Variants in TPTE2 observed in about 807,000 individuals in gnomAD.
TPTE2 encodes phosphatidylinositol 3,4,5-trisphosphate 3-phosphatase TPTE2.
Under a neutral mutation model 78.6 loss-of-function variants are expected in TPTE2, and 53 were observed. That is an observed-to-expected ratio of 0.67 (90% CI 0.54 to 0.85). The LOEUF (loss-of-function observed/expected upper bound fraction) is 0.85, where lower values mean the gene tolerates loss of function less well. TPTE2 is among the 40% of genes least tolerant of loss of function. The pLI is 0.00. For missense variants in TPTE2, 461 were observed against 623.0 expected, an observed-to-expected ratio of 0.74 and a Z score of 2.77; for synonymous variants, 175 against 206.2, an observed-to-expected ratio of 0.85 and a Z score of 1.30.
upstream of TPTE2, among the ~76,000 whole-genome samples, chr13:19,537,812 C>G (rs1871295850): frequency 6.6e-6 from 1 of 151,740 alleles, no homozygotes; most frequent in Admixed American, 6.6e-5. Flanking sequence ...ACCATGTTGG[C>G]CAGGCTGGTC....
At chr13:19,463,882 G>T (rs1404328714) in intron 10 of TPTE2, among the ~76,000 whole-genome samples, 1 of 152,216 alleles carries the variant, frequency 6.6e-6, no homozygotes, top group African/African-American at 2.4e-5. Context: ...ATGCATGCTA[G>T]CTGCAGTGGC....
chr13:19,552,472 G>A, the TPTE2 span: 1 of 489,890 alleles, frequency 2.0e-6, no homozygotes, highest in East Asian at 3.3e-5. Flanking sequence ...TCTACAAAGT[G>A]TTTTGAAATT....
chr13:19,487,196 G>C (rs1031991755), intron 3 of TPTE2, among the ~76,000 whole-genome samples: 1 of 152,110 alleles, frequency 6.6e-6, no homozygotes, highest in Non-Finnish European at 1.5e-5. Context: ...CTGACAGTCT[G>C]CTGGCCAGAG....
In TPTE2 at chr13:19,475,624, C is replaced by G; in HGVS notation, c.180-1G>C. On this transcript the variant is annotated splice_acceptor_variant, in intron 4 of 19. Coordinates refer to ENST00000400230, the Ensembl canonical transcript of TPTE2. LOFTEE classifies it high-confidence loss of function. Reference sequence around the variant, plus strand: ...ATGCACAATTTTCTTAATCTTGCTGCTGCAAAAAGAAGTAAAAATAAAATT... The same window carrying G: ...ATGCACAATTTTCTTAATCTTGCTGGTGCAAAAAGAAGTAAAAATAAAATT... 1 of 1,607,018 alleles carries G rather than the reference C, an allele frequency of 6.2e-7. No individual in the cohort carries two copies. Among genetic ancestry groups the G allele is most frequent in the Non-Finnish European group, 8.5e-7 (1 of 1,177,332 alleles).
the TPTE2 span, among the ~76,000 whole-genome samples, chr13:19,556,303 T>C: frequency 1.3e-5 from 2 of 152,210 alleles, no homozygotes; most frequent in African/African-American, 4.8e-5. Flanking sequence ...CTTTCCTCTA[T>C]AGGTGTATAT....
At chr13:19,478,378 G>A (rs1347703404) in intron 4 of TPTE2, among the ~76,000 whole-genome samples, 6 of 152,292 alleles carry the variant, frequency 3.9e-5, no homozygotes, top group East Asian at 3.9e-4. Flanking sequence ...CTCAAAAGAA[G>A]ACATTTATGC....
chr13:19,477,940 C>T (rs1249231043), intron 4 of TPTE2, among the ~76,000 whole-genome samples: 2 of 152,148 alleles, frequency 1.3e-5, no homozygotes, highest in Non-Finnish European at 2.9e-5. Flanking sequence ...GAAGCATAGC[C>T]TCCATGTACC....
At chr13:19,554,377 A>AAAATAAATAAAT in the TPTE2 span, among the ~76,000 whole-genome samples, 76,433 of 145,002 alleles carry the variant, frequency 0.53, 23,636 homozygotes, top group East Asian at 0.76. Flanking sequence ...TCTGTCTCAA[A>AAAATAAATAAAT]AAATAAATAA....
intron 13 of TPTE2, among the ~76,000 whole-genome samples, chr13:19,441,272 G>A (rs529540764): frequency 6.6e-6 from 1 of 151,840 alleles, no homozygotes; most frequent in South Asian, 2.1e-4. Flanking sequence ...TCTAGACGGG[G>A]CACAGCAGAA....
At chr13:19,560,584 C>T in the TPTE2 span, 2 of 1,600,572 alleles carry the variant, frequency 1.2e-6, no homozygotes, top group Non-Finnish European at 1.7e-6. Context: ...CACGATCTCT[C>T]GGTCAAAGAG....
chr13:19,514,592 A>AGTGTATGTGTGTGTGTGT (rs1869668417), intron 1 of TPTE2, among the ~76,000 whole-genome samples: 1 of 126,710 alleles, frequency 7.9e-6, no homozygotes, highest in Non-Finnish European at 1.7e-5. Context: ...TACTTCTGAG[A>AGTGTATGTGTGTGTGTGT]GTGTGTGTGT....
chr13:19,528,495 A>AT (rs1203237238), intron 1 of TPTE2, among the ~76,000 whole-genome samples: 4 of 152,142 alleles, frequency 2.6e-5, no homozygotes, highest in African/African-American at 9.7e-5. Flanking sequence ...AAATTTACTA[A>AT]TTTTTATTTT....
intron 17 of TPTE2, among the ~76,000 whole-genome samples, chr13:19,427,230 A>G (rs1222264085): frequency 2.6e-5 from 4 of 151,552 alleles, no homozygotes; most frequent in Admixed American, 2.0e-4. Context: ...GACTACAGGC[A>G]CGTGCCACCA....
At chr13:19,450,049 G>A (rs1303141602) in intron 13 of TPTE2, 27 bp downstream of exon 16, 4 of 1,608,442 alleles carry the variant, frequency 2.5e-6, no homozygotes, top group Non-Finnish European at 3.4e-6. Flanking sequence ...TTTAGAAAGG[G>A]AAAAATGAAA....
chr13:19,540,347 G>A (rs1871405854), upstream of TPTE2, among the ~76,000 whole-genome samples: 1 of 150,332 alleles, frequency 6.7e-6, no homozygotes, highest in South Asian at 2.1e-4. Flanking sequence ...TGTCACCCAG[G>A]CTGCAGTGCA....
chr13:19,544,940 A>T, the TPTE2 span, among the ~76,000 whole-genome samples: 6 of 66,366 alleles, frequency 9.0e-5, no homozygotes, highest in Non-Finnish European at 1.8e-4. Flanking sequence ...ACACTCACAC[A>T]CACACACACA....
intron 6 of TPTE2, among the ~76,000 whole-genome samples, chr13:19,473,330 G>T (rs1879739514): frequency 6.6e-6 from 1 of 152,164 alleles, no homozygotes; most frequent in Admixed American, 6.5e-5. Context: ...GGATCCAAAG[G>T]TGCTGTCTGG....
intron 17 of TPTE2, among the ~76,000 whole-genome samples, chr13:19,428,176 C>T (rs1433276989): frequency 6.6e-6 from 1 of 152,126 alleles, no homozygotes; most frequent in African/African-American, 2.4e-5. Flanking sequence ...GGGCCAGGTG[C>T]GGTGGCTCAA....
chr13:19,430,448 A>G lies in TPTE2; in HGVS notation c.1302+20T>C, dbSNP rs762366385. ...TTAAAACAAACATCAGATTTTTTCAATTCACATGTTTTCTCTTACCGAACA... is the reference window on the plus strand; with the variant it reads ...TTAAAACAAACATCAGATTTTTTCAGTTCACATGTTTTCTCTTACCGAACA... On this transcript the variant is annotated intron_variant, in intron 17 of 19. Transcript: ENST00000400230. 2.5e-5 allele frequency: 40 copies of G among 1,587,750 alleles called. No homozygotes were observed. The highest frequency in any genetic ancestry group is 2.8e-5 in the Non-Finnish European group (33 of 1,159,870).
Sources: allele counts gnomAD v4.1 joint callset (sites outside exome capture counted in the v4.1 genomes callset), GRCh38; gene constraint gnomAD v4.1.1; transcripts MANE v1.5; gene names NCBI Gene and HGNC (gene_info 2026-07-23, HGNC 2026-07-21).